Variants in DCLK1 observed in about 807,000 individuals in gnomAD.
DCLK1 encodes the protein serine/threonine-protein kinase DCLK1.
In DCLK1, 16 loss-of-function variants were observed where a neutral mutation model predicts 86.2. The observed-to-expected ratio is 0.19, with a 90% CI of 0.13 to 0.28. DCLK1 has a LOEUF of 0.28. DCLK1 is among the 10% of genes least tolerant of loss of function. DCLK1 has a pLI of 1.00. For synonymous variants in DCLK1, 369 were observed against 370.5 expected (o/e 1.00, Z 0.05); for missense variants, 590 against 940.2 (o/e 0.63, Z 4.87).
intron 4 of DCLK1, among the ~76,000 whole-genome samples, chr13:35,944,129 A>G (rs1877239144): frequency 6.6e-6 from 1 of 152,182 alleles, no homozygotes. Flanking sequence ...GGCCCCATGA[A>G]ATACTCATCT....
intron 3 of DCLK1, among the ~76,000 whole-genome samples, chr13:36,022,074 G>A (rs1881809069): frequency 6.6e-6 from 1 of 151,914 alleles, no homozygotes; most frequent in South Asian, 2.1e-4. Context: ...ATCATACAAA[G>A]TATGTTCTCT....
intron 3 of DCLK1, among the ~76,000 whole-genome samples, chr13:36,052,107 TC>T (rs1883143069): frequency 6.6e-6 from 1 of 152,130 alleles, no homozygotes; most frequent in Non-Finnish European, 1.5e-5. Context: ...TTTAAAAATA[TC>T]CCCCACCATT....
At chr13:35,850,391 TA>T in intron 6 of DCLK1, 3 of 1,024,392 alleles carry the variant, frequency 2.9e-6, no homozygotes, top group Non-Finnish European at 3.5e-6. Context: ...TCTGGCTCTA[TA>T]TTGCCACATG....
intron 4 of DCLK1, among the ~76,000 whole-genome samples, chr13:35,897,397 G>A (rs1455294711): frequency 5.3e-5 from 8 of 152,132 alleles, no homozygotes; most frequent in Non-Finnish European, 1.0e-4. Flanking sequence ...AGAATGGAAG[G>A]CGGGAACCAG....
chr13:36,077,832 C>T (rs1884264880), intron 3 of DCLK1, among the ~76,000 whole-genome samples: 1 of 152,068 alleles, frequency 6.6e-6, no homozygotes, highest in African/African-American at 2.4e-5. Context: ...AAACTATTGC[C>T]CTGGCCAATG....
chr13:36,128,038 G>A (rs908085873), intron 1 of DCLK1, among the ~76,000 whole-genome samples: 1 of 152,142 alleles, frequency 6.6e-6, no homozygotes, highest in African/African-American at 2.4e-5. Context: ...CTTTCTGAAG[G>A]TCAGTGAACA....
At chr13:35,917,579 G>A (rs1875493936) in intron 4 of DCLK1, among the ~76,000 whole-genome samples, 1 of 152,170 alleles carries the variant, frequency 6.6e-6, no homozygotes. Flanking sequence ...AAAAGAGAAA[G>A]CATGCCAAGC....
chr13:35,932,800 C>G (rs918541291), intron 4 of DCLK1, among the ~76,000 whole-genome samples: 1 of 152,206 alleles, frequency 6.6e-6, no homozygotes, highest in African/African-American at 2.4e-5. Flanking sequence ...CAGGGCCAAA[C>G]CCTATCTTTC....
rs544895147 is a variant in DCLK1, at chr13:36,125,254, C to T, written c.376+508G>A. Among the ~76,000 whole-genome samples the T allele has an allele frequency of 1.1e-4, 17 of 152,256 alleles. No individual in the cohort carries two copies. In the South Asian group the frequency reaches 2.9e-3, roughly 26 times the overall value. ...AAAACCTGTTTTGGTCCAGGGTCAT[C>T]ACTATCTTACCACGTAACCACCGAC... On this transcript the variant is annotated intron_variant, in intron 2 of 16. Coordinates refer to ENST00000360631, the MANE Select transcript of DCLK1 (RefSeq NM_001330071.2).
At chr13:36,066,328 A>G (rs1883750184) in intron 3 of DCLK1, among the ~76,000 whole-genome samples, 1 of 152,164 alleles carries the variant, frequency 6.6e-6, no homozygotes, top group African/African-American at 2.4e-5. Flanking sequence ...ATTAGAATTC[A>G]TGGGTAGAGC....
At chr13:35,990,459 T>C (rs1030107691) in intron 3 of DCLK1, among the ~76,000 whole-genome samples, 4 of 151,874 alleles carry the variant, frequency 2.6e-5, no homozygotes, top group African/African-American at 9.7e-5. Context: ...GTTCTCACTG[T>C]CTCTCTGTTC....
chr13:35,909,738 G>C (rs1320713739), intron 4 of DCLK1, among the ~76,000 whole-genome samples: 1 of 151,940 alleles, frequency 6.6e-6, no homozygotes, highest in Non-Finnish European at 1.5e-5. Context: ...GACAAAGGTG[G>C]AGTATTGACA....
At chr13:35,913,713 G>GT (rs11422404) in intron 4 of DCLK1, among the ~76,000 whole-genome samples, 15,927 of 152,066 alleles carry the variant, frequency 0.1, 1,170 homozygotes, top group African/African-American at 0.21. Context: ...GTTCCTAAGT[G>GT]TTTTTTCCCA....
At position 35,822,789 on chromosome 13, in the gene DCLK1, G is replaced by A; in HGVS notation, c.1494C>T (p.Ala498=). 6.2e-7 allele frequency: 1 copy of A among 1,613,904 alleles called. No homozygotes were observed. The highest frequency in any genetic ancestry group is 8.5e-7 in the Non-Finnish European group (1 of 1,179,978). Residue 498 remains alanine (A), a synonymous_variant, in exon 11 of 17, where the codon GCC becomes GCT. Transcript: ENST00000360631. ...TGTTCAGGCTATGCAGGTATTTGATGGCGCTGGCTAGGTTGTACAGCATCC... is the reference window on the plus strand; with the variant it reads ...TGTTCAGGCTATGCAGGTATTTGATAGCGCTGGCTAGGTTGTACAGCATCC... The part of the protein sequence containing the change: ...ASGMLYNLAS[A]IKYLHSLNIV...
intron 2 of DCLK1, among the ~76,000 whole-genome samples, chr13:36,122,223 G>C (rs1371370758): frequency 6.6e-6 from 1 of 151,988 alleles, no homozygotes; most frequent in African/African-American, 2.4e-5. Flanking sequence ...TCCTGAGAGG[G>C]GGATTATGAT....
At chr13:35,789,390 A>G (rs1240329547) in intron 16 of DCLK1, among the ~76,000 whole-genome samples, 2 of 152,234 alleles carry the variant, frequency 1.3e-5, no homozygotes, top group African/African-American at 4.8e-5. Context: ...TGAAGTTTTA[A>G]TCTTTTTAAA....
At chr13:35,893,620 G>A (rs532934969) in intron 4 of DCLK1, among the ~76,000 whole-genome samples, 19 of 152,172 alleles carry the variant, frequency 1.2e-4, no homozygotes, top group East Asian at 9.6e-4. Flanking sequence ...GTTATTCAGC[G>A]TCTCCAAGAG....
chr13:36,121,441 C>T (rs140955456), intron 2 of DCLK1, among the ~76,000 whole-genome samples: 1 of 152,262 alleles, frequency 6.6e-6, no homozygotes, highest in African/African-American at 2.4e-5. Context: ...ACTCTCACGC[C>T]ATCTTGCTTC....
chr13:35,867,878 GGAGAGAGA>G (rs933977945), intron 5 of DCLK1, among the ~76,000 whole-genome samples: 2 of 63,290 alleles, frequency 3.2e-5, no homozygotes, highest in African/African-American at 1.3e-4. Context: ...AAAGAGAGAG[GGAGAGAGA>G]GAGAGAAAGA....
Sources: gnomAD v4.1 joint callset for allele counts (sites outside exome capture counted in the v4.1 genomes callset) on GRCh38, gnomAD v4.1.1 for gene constraint, MANE v1.5 for transcripts, NCBI Gene and HGNC (gene_info 2026-07-23, HGNC 2026-07-21) for gene names.